ME1: variants seen among roughly 807,000 people sequenced by gnomAD.
The protein encoded by ME1 is NADP-dependent malic enzyme.
A neutral mutation model predicts 66.4 loss-of-function variants in ME1; 74 were observed. That is an observed-to-expected ratio of 1.11 (90% CI 0.92 to 1.35). ME1 has a LOEUF of 1.35. Among genes scored for constraint, ME1 ranks in the 40% most tolerant of loss-of-function variants. ME1 has a pLI of 0.00. For synonymous variants in ME1, 251 were observed against 235.6 expected (o/e 1.07, Z -0.60); for missense variants, 750 against 694.1 (o/e 1.08, Z -0.90).
chr6:83,393,059 G>A (rs1769655998), intron 3 of ME1: 4 of 1,419,316 alleles, frequency 2.8e-6, no homozygotes, highest in Non-Finnish European at 3.9e-6. Context: ...CTGTGAGGAA[G>A]GTCATCCCTG....
intron 1 of ME1, among the ~76,000 whole-genome samples, chr6:83,412,810 T>A (rs540674619): frequency 2.0e-5 from 3 of 152,194 alleles, no homozygotes; most frequent in African/African-American, 4.8e-5. Context: ...GATCAGTAGT[T>A]GCCAGGGACT....
intron 3 of ME1, among the ~76,000 whole-genome samples, chr6:83,360,963 T>C (rs1296516956): frequency 6.6e-6 from 1 of 152,202 alleles, no homozygotes; most frequent in Non-Finnish European, 1.5e-5. Context: ...CAGAAGAAAT[T>C]TGCCTTCAGC....
At chr6:83,414,255 C>T (rs1184201203) in intron 1 of ME1, among the ~76,000 whole-genome samples, 1 of 151,354 alleles carries the variant, frequency 6.6e-6, no homozygotes, top group African/African-American at 2.4e-5. Context: ...AAAATAATTA[C>T]TTTGAATGCA....
At chr6:83,429,079 C>T (rs962412937) in intron 1 of ME1, among the ~76,000 whole-genome samples, 9 of 151,930 alleles carry the variant, frequency 5.9e-5, no homozygotes, top group African/African-American at 2.2e-4. Context: ...CTGACTAACA[C>T]GGTGAAACCC....
At chr6:83,308,202 T>TAACC (rs1234058057) in intron 6 of ME1, among the ~76,000 whole-genome samples, 1 of 151,864 alleles carries the variant, frequency 6.6e-6, no homozygotes, top group Non-Finnish European at 1.5e-5. Flanking sequence ...GTATAATAAC[T>TAACC]ACGTTTGTGG....
intron 6 of ME1, among the ~76,000 whole-genome samples, chr6:83,277,013 C>T (rs1293244143): frequency 2.6e-5 from 4 of 152,184 alleles, no homozygotes; most frequent in African/African-American, 9.6e-5. Context: ...TGAATTTTAG[C>T]ATATTGTCTT....
intron 6 of ME1, among the ~76,000 whole-genome samples, chr6:83,278,898 A>G (rs180729448): frequency 1.3e-5 from 2 of 152,270 alleles, no homozygotes; most frequent in East Asian, 3.9e-4. Flanking sequence ...ATATCCAACT[A>G]CAGTCCTCCC....
chr6:83,308,969 G>A (rs1767879419), intron 6 of ME1, among the ~76,000 whole-genome samples: 1 of 152,012 alleles, frequency 6.6e-6, no homozygotes, highest in South Asian at 2.1e-4. Flanking sequence ...TGGTGAGGAT[G>A]TCAAGTAGAC....
At chr6:83,249,090 GA>G (rs539133018) in intron 7 of ME1, among the ~76,000 whole-genome samples, 159 of 152,068 alleles carry the variant, frequency 1.0e-3, no homozygotes, top group African/African-American at 3.3e-3. Context: ...ACATCACAAA[GA>G]ATTTGGGGAA....
intron 6 of ME1, among the ~76,000 whole-genome samples, chr6:83,286,802 AT>A (rs1162284200): frequency 1.3e-5 from 2 of 152,134 alleles, no homozygotes; most frequent in East Asian, 3.8e-4. Context: ...TTATATTAAA[AT>A]TTTCCTTGTA....
chr6:83,321,851 G>A (rs1050517096), intron 5 of ME1, among the ~76,000 whole-genome samples: 1 of 152,222 alleles, frequency 6.6e-6, no homozygotes, highest in African/African-American at 2.4e-5. Context: ...TGTGCCTCCT[G>A]ACGGAGAGAC....
At chr6:83,383,637 C>T (rs1561998242) in intron 3 of ME1, among the ~76,000 whole-genome samples, 1 of 151,752 alleles carries the variant, frequency 6.6e-6, no homozygotes, top group South Asian at 2.1e-4. Context: ...TATACTTGCA[C>T]ATTTTCAGCT....
At chr6:83,252,227 G>C (rs1336267830) in intron 7 of ME1, among the ~76,000 whole-genome samples, 3 of 152,152 alleles carry the variant, frequency 2.0e-5, no homozygotes, top group Admixed American at 2.0e-4. Flanking sequence ...TTAAGTAGGA[G>C]ATAACTTTGA....
chr6:83,343,508 A>T (rs1768629205), intron 5 of ME1, among the ~76,000 whole-genome samples: 1 of 152,188 alleles, frequency 6.6e-6, no homozygotes, highest in African/African-American at 2.4e-5. Flanking sequence ...AGTAAGCAAA[A>T]TCTCTACAAA....
chr6:83,321,747 G>T (rs1197271907), intron 5 of ME1, among the ~76,000 whole-genome samples: 2 of 152,214 alleles, frequency 1.3e-5, no homozygotes, highest in African/African-American at 2.4e-5. Flanking sequence ...AAACTTTCCA[G>T]CCTGACAGCT....
intron 3 of ME1, among the ~76,000 whole-genome samples, chr6:83,366,275 A>G (rs1562491545): frequency 6.6e-6 from 1 of 152,218 alleles, no homozygotes; most frequent in Non-Finnish European, 1.5e-5. Flanking sequence ...ATTGCTTACC[A>G]GAGGCAGTTC....
At chr6:83,221,054 G>T (rs1234213842) in intron 12 of ME1, among the ~76,000 whole-genome samples, 1 of 152,114 alleles carries the variant, frequency 6.6e-6, no homozygotes, top group Non-Finnish European at 1.5e-5. Flanking sequence ...CAGATACTTG[G>T]GAGGCTGAGG....
intron 6 of ME1, among the ~76,000 whole-genome samples, chr6:83,310,695 T>C (rs909468878): frequency 6.6e-6 from 1 of 151,922 alleles, no homozygotes; most frequent in Non-Finnish European, 1.5e-5. Context: ...GAATGATATT[T>C]CAGATGTTTG....
At chr6:83,247,829 G>C (rs528772750) in intron 7 of ME1, among the ~76,000 whole-genome samples, 4 of 152,280 alleles carry the variant, frequency 2.6e-5, no homozygotes, top group African/African-American at 7.2e-5. Flanking sequence ...TCTAGTCAGA[G>C]ATTAGACATA....
Sources: allele counts gnomAD v4.1 joint callset (sites outside exome capture counted in the v4.1 genomes callset), GRCh38; gene constraint gnomAD v4.1.1; transcripts MANE v1.5; gene names NCBI Gene and HGNC (gene_info 2026-07-23, HGNC 2026-07-21).